DAGLA: variants seen among roughly 807,000 people sequenced by gnomAD.
DAGLA encodes the protein diacylglycerol lipase-alpha.
In DAGLA, 22 loss-of-function variants were observed where a neutral mutation model predicts 102.6. The observed-to-expected ratio is 0.21, with a 90% CI of 0.15 to 0.31. DAGLA has a LOEUF of 0.31. Among genes scored for constraint, DAGLA ranks in the 10% least tolerant of loss-of-function variants. The pLI is 1.00. For synonymous variants in DAGLA, 578 were observed against 628.9 expected (o/e 0.92, Z 1.21); for missense variants, 927 against 1,446.6 (o/e 0.64, Z 5.83).
intron 8 of DAGLA, among the ~76,000 whole-genome samples, chr11:61,730,466 G>A (rs1406244617): frequency 2.6e-5 from 4 of 152,070 alleles, no homozygotes; most frequent in Non-Finnish European, 4.4e-5. Flanking sequence ...CCACCCCTCC[G>A]GGCCCTGATC....
intron 5 of DAGLA, among the ~76,000 whole-genome samples, chr11:61,724,557 C>T (rs537263304): frequency 5.9e-5 from 9 of 152,314 alleles, no homozygotes; most frequent in East Asian, 1.9e-4. Flanking sequence ...TCTGGACCCC[C>T]GCTGCCCGGC....
chr11:61,734,797 T>C lies in DAGLA; in HGVS notation c.975-52T>C, dbSNP rs2065409055. 2.6e-6 allele frequency: 4 copies of C among 1,556,860 alleles called. No homozygotes were observed. The Admixed American group carries it at 6.8e-5, about 27-fold the overall frequency. On this transcript the variant is annotated intron_variant, in intron 9 of 19. Coordinates refer to ENST00000257215, the MANE Select transcript of DAGLA (RefSeq NM_006133.3). This position sits in a 1 kb window ranked among gnomAD's most constrained non-coding sequence, Gnocchi z 4.2. ...TTCCAGGGACAGTGGCAGGAGACATTTGTTCCCTCGGGGACTCCCTGGCCC... is the reference window on the plus strand; with the variant it reads ...TTCCAGGGACAGTGGCAGGAGACATCTGTTCCCTCGGGGACTCCCTGGCCC...
intron 1 of DAGLA, among the ~76,000 whole-genome samples, chr11:61,682,786 C>G (rs2064953358): frequency 6.6e-6 from 1 of 151,110 alleles, no homozygotes; most frequent in African/African-American, 2.4e-5. Flanking sequence ...GTCAGAGCAT[C>G]CACAGATCGA....
chr11:61,718,752 A>G (rs567086130), intron 1 of DAGLA, among the ~76,000 whole-genome samples: 2 of 152,270 alleles, frequency 1.3e-5, no homozygotes, highest in African/African-American at 2.4e-5. Flanking sequence ...CGACCCCGGC[A>G]GGCTAGCCCG....
intron 1 of DAGLA, 76 bp from the exon 2 acceptor site, chr11:61,720,036 C>T (rs895133720): frequency 1.6e-5 from 16 of 1,012,246 alleles, no homozygotes; most frequent in Admixed American, 6.3e-5. Context: ...GGACTGGTCC[C>T]GTGGCCCAAG....
chr11:61,714,955 G>T (rs571407567), intron 1 of DAGLA, among the ~76,000 whole-genome samples: 2 of 152,316 alleles, frequency 1.3e-5, no homozygotes, highest in Admixed American at 1.3e-4. Flanking sequence ...GCAGTTACCA[G>T]ATGACAGGCG....
chr11:61,698,303 G>A (rs1225823647), intron 1 of DAGLA, among the ~76,000 whole-genome samples: 1 of 152,206 alleles, frequency 6.6e-6, no homozygotes, highest in African/African-American at 2.4e-5. Flanking sequence ...GCAGAGGGGC[G>A]GCCCAGCTCT....
chr11:61,735,714 C>A (rs201209519), intron 11 of DAGLA, 25 bp from the exon 12 acceptor site: 5 of 1,613,120 alleles, frequency 3.1e-6, no homozygotes, highest in East Asian at 4.5e-5. Flanking sequence ...TAGCCGCCCC[C>A]TCACCTGTCT....
chr11:61,687,249 C>A (rs1348829321), intron 1 of DAGLA, among the ~76,000 whole-genome samples: 1 of 152,134 alleles, frequency 6.6e-6, no homozygotes, highest in Non-Finnish European at 1.5e-5. Context: ...TTTTTGGTGT[C>A]CCTGTCCATA....
chr11:61,732,838 C>T (rs2065387479), intron 9 of DAGLA, among the ~76,000 whole-genome samples: 1 of 152,126 alleles, frequency 6.6e-6, no homozygotes. Flanking sequence ...CCATCTGCCT[C>T]GGGCCCAGGC....
At chr11:61,687,995 G>T (rs2064998470) in intron 1 of DAGLA, among the ~76,000 whole-genome samples, 1 of 152,126 alleles carries the variant, frequency 6.6e-6, no homozygotes, top group African/African-American at 2.4e-5. Context: ...GATGGGAAAG[G>T]CCTTTGGGAA....
At chr11:61,683,775 C>A (rs1489362936) in intron 1 of DAGLA, among the ~76,000 whole-genome samples, 1 of 152,114 alleles carries the variant, frequency 6.6e-6, no homozygotes, top group Non-Finnish European at 1.5e-5. Context: ...TTTGGGGTAG[C>A]AGGGAGCCCA....
intron 1 of DAGLA, among the ~76,000 whole-genome samples, chr11:61,688,275 A>G (rs527461182): frequency 1.1e-4 from 16 of 150,048 alleles, no homozygotes; most frequent in Admixed American, 9.3e-4. Flanking sequence ...AGGTCGTGCC[A>G]CTGCACTCCA....
Position 61,736,315 on chromosome 11 carries a change from G to C in DAGLA, c.1336G>C (p.Glu446Gln), listed in dbSNP as rs371504288. 8.1e-6 allele frequency: 13 copies of C among 1,614,046 alleles called. No homozygotes were observed. The highest frequency in any genetic ancestry group is 1.0e-5 in the Non-Finnish European group (12 of 1,180,026). Reference protein sequence around the residue: ...AEYIKKKLEQEMVLSQAFGRD... With the variant: ...AEYIKKKLEQQMVLSQAFGRD... ...GTACATCAAGAAGAAACTGGAGCAG[G>C]AGATGGTCCTGTCCCAGGCCTTTGG... Residue 446 changes from glutamate (E) to glutamine (Q), a missense_variant, in exon 13 of 20, where the codon GAG becomes CAG. This residue lies in a region of DAGLA where 218 missense variants were observed against 459.6 expected (regional missense o/e 0.47). Coordinates refer to ENST00000257215, the MANE Select transcript of DAGLA (RefSeq NM_006133.3).
chr11:61,708,356 G>A (rs1446499524), intron 1 of DAGLA, among the ~76,000 whole-genome samples: 2 of 150,776 alleles, frequency 1.3e-5, no homozygotes, highest in East Asian at 2.0e-4. Context: ...CCTCCTCTGA[G>A]CCAGAGCCTG....
intron 1 of DAGLA, among the ~76,000 whole-genome samples, chr11:61,714,932 C>T (rs1024331615): frequency 6.6e-6 from 1 of 152,172 alleles, no homozygotes; most frequent in African/African-American, 2.4e-5. Context: ...ATGGCAGTGG[C>T]AGCATTTGCT....
intron 1 of DAGLA, among the ~76,000 whole-genome samples, chr11:61,713,799 C>T (rs1241295876): frequency 5.9e-5 from 9 of 152,152 alleles, no homozygotes; most frequent in Non-Finnish European, 8.8e-5. Flanking sequence ...TGCTGAGTCC[C>T]GCAGATCAGA....
At chr11:61,685,029 G>A (rs1157829424) in intron 1 of DAGLA, among the ~76,000 whole-genome samples, 2 of 152,120 alleles carry the variant, frequency 1.3e-5, no homozygotes, top group African/African-American at 2.4e-5. Context: ...ACCTGGGGGC[G>A]TCTCACACGC....
chr11:61,703,851 A>G (rs981925829), intron 1 of DAGLA, among the ~76,000 whole-genome samples: 2 of 152,254 alleles, frequency 1.3e-5, no homozygotes, highest in African/African-American at 2.4e-5. Context: ...GTTTTACGTG[A>G]CATGGGAGCC....
Sources: gnomAD v4.1 joint callset for allele counts (sites outside exome capture counted in the v4.1 genomes callset) on GRCh38, gnomAD v4.1.1 for gene constraint, gnomAD v4.1.1 regional missense constraint, Gnocchi (gnomAD v3.1) non-coding constraint, MANE v1.5 for transcripts, NCBI Gene and HGNC (gene_info 2026-07-23, HGNC 2026-07-21) for gene names.